The following CAMK1D variants were observed in gnomAD, a reference collection of about 807,000 sequenced individuals.
CAMK1D encodes calcium/calmodulin dependent protein kinase ID.
CAMK1D carries 9 observed loss-of-function variants against 47.7 expected under a neutral mutation model. The observed-to-expected ratio is 0.19, with a 90% CI of 0.11 to 0.33. The LOEUF is 0.33. Among genes scored for constraint, CAMK1D ranks in the 10% least tolerant of loss-of-function variants. CAMK1D has a pLI of 1.00. For synonymous variants in CAMK1D, 184 were observed against 184.9 expected (o/e 0.99, Z 0.04); for missense variants, 291 against 488.7 (o/e 0.60, Z 3.81).
At chr10:12,826,136 C>CAA in intron 10 of CAMK1D, 2 of 142,760 alleles carry the variant, frequency 1.4e-5, no homozygotes, top group Non-Finnish European at 3.0e-5. Flanking sequence ...GACTCCCTCT[C>CAA]AAAAAAAAAA....
chr10:12,408,224 T>C (rs1254831991), intron 1 of CAMK1D, among the ~76,000 whole-genome samples: 1 of 151,018 alleles, frequency 6.6e-6, no homozygotes, highest in African/African-American at 2.4e-5. Flanking sequence ...TGCAGTGGCA[T>C]GATCTCGGCT....
chr10:12,394,472 T>C (rs893092815), intron 1 of CAMK1D, among the ~76,000 whole-genome samples: 1 of 152,146 alleles, frequency 6.6e-6, no homozygotes, highest in African/African-American at 2.4e-5. Context: ...CAGCCCCCCT[T>C]TTCCAAGAGT....
At position 12,689,690 on chromosome 10, in the gene CAMK1D, C is replaced by T. The variant is rs185850867; in HGVS notation, c.299+22880C>T. 6.7e-3 allele frequency among the ~76,000 whole-genome samples: 1,017 copies of T among 151,692 alleles called. 11 individuals are homozygous for T. The highest frequency in any genetic ancestry group is 0.022 in the African/African-American group (930 of 41,338). ...ACTCGGGAGGCTAAGGCAGGAGAAT[C>T]GCTTGAACCCAGGAGGTGGAGGTTG... On this transcript the variant is annotated intron_variant, in intron 3 of 10. Coordinates refer to ENST00000619168, the MANE Select transcript of CAMK1D (RefSeq NM_153498.4).
intron 2 of CAMK1D, among the ~76,000 whole-genome samples, chr10:12,616,138 GT>G (rs1360169777): frequency 6.6e-6 from 1 of 152,022 alleles, no homozygotes; most frequent in Non-Finnish European, 1.5e-5. Context: ...GTAGGTGTGT[GT>G]ATAAATGTAC....
At chr10:12,454,829 G>A (rs934932531) in intron 1 of CAMK1D, among the ~76,000 whole-genome samples, 14 of 152,234 alleles carry the variant, frequency 9.2e-5, no homozygotes, top group Admixed American at 2.0e-4. Context: ...CTGGCTGTCC[G>A]CGCTCAGGTT....
intron 1 of CAMK1D, among the ~76,000 whole-genome samples, chr10:12,355,836 C>T (rs1456597595): frequency 1.3e-5 from 2 of 152,136 alleles, no homozygotes; most frequent in Non-Finnish European, 2.9e-5. Flanking sequence ...TGCCTGCTCT[C>T]CTGGAGCCAC....
chr10:12,745,422 C>G (rs1443848810), intron 3 of CAMK1D, among the ~76,000 whole-genome samples: 1 of 152,096 alleles, frequency 6.6e-6, no homozygotes, highest in African/African-American at 2.4e-5. Context: ...CACACACACA[C>G]ACGCTAGAAT....
chr10:12,718,414 T>G (rs953207703), intron 3 of CAMK1D, among the ~76,000 whole-genome samples: 6 of 152,224 alleles, frequency 3.9e-5, no homozygotes, highest in Non-Finnish European at 4.4e-5. Flanking sequence ...CTCTGGTGTA[T>G]CTTACGCCAT....
In CAMK1D at chr10:12,784,553, GAGTT is replaced by G. The variant is rs888750543; in HGVS notation, c.566-6602_566-6599del. The stretch of plus-strand genomic sequence containing the variant: ...AGTGACAAGCACATTCACACACTGA[GAGTT>G]AGGGTGAATTCTGCCTCTTTTCTCC... On this transcript the variant is annotated intron_variant, in intron 5 of 10. Coordinates refer to ENST00000619168, the MANE Select transcript of CAMK1D (RefSeq NM_153498.4). 1.1e-3 allele frequency among the ~76,000 whole-genome samples: 164 copies of G among 152,298 alleles called. 2 individuals are homozygous for G. The highest frequency in any genetic ancestry group is 3.8e-3 in the African/African-American group (158 of 41,548).
intron 1 of CAMK1D, among the ~76,000 whole-genome samples, chr10:12,442,779 A>G (rs1832819436): frequency 6.6e-6 from 1 of 152,104 alleles, no homozygotes; most frequent in African/African-American, 2.4e-5. Context: ...ACTTGTAACC[A>G]TTGTTGAGCA....
intron 1 of CAMK1D, among the ~76,000 whole-genome samples, chr10:12,510,769 C>T (rs918628015): frequency 2.0e-5 from 3 of 152,286 alleles, no homozygotes; most frequent in South Asian, 2.1e-4. Flanking sequence ...AATGTACAAG[C>T]GTGGCATTTT....
chr10:12,759,229 G>T (rs1178860996), intron 3 of CAMK1D, among the ~76,000 whole-genome samples: 2 of 152,162 alleles, frequency 1.3e-5, no homozygotes, highest in African/African-American at 4.8e-5. Context: ...CGTACCTGTG[G>T]TCCCAGCTAC....
At chr10:12,371,187 CCACT>C (rs370568920) in intron 1 of CAMK1D, among the ~76,000 whole-genome samples, 142 of 151,964 alleles carry the variant, frequency 9.3e-4, no homozygotes, top group Non-Finnish European at 1.4e-3. Flanking sequence ...CATTCACTCA[CCACT>C]CACTCACTCA....
At chr10:12,653,462 A>G (rs1840035639) in intron 2 of CAMK1D, among the ~76,000 whole-genome samples, 1 of 152,238 alleles carries the variant, frequency 6.6e-6, no homozygotes, top group Non-Finnish European at 1.5e-5. Flanking sequence ...CATTCCCAAC[A>G]TATGAGTGCT....
chr10:12,411,700 G>A (rs1839663587), intron 1 of CAMK1D, among the ~76,000 whole-genome samples: 1 of 151,364 alleles, frequency 6.6e-6, no homozygotes, highest in African/African-American at 2.4e-5. Context: ...CTGGGTTCAA[G>A]CGATTCTTCT....
rs1016714084 is a variant in CAMK1D at position 12,742,918 on chromosome 10, A to G, written c.300-18030A>G. Among the ~76,000 whole-genome samples the G allele has an allele frequency of 1.7e-4, 26 of 152,292 alleles. 1 individual carries two copies. Among genetic ancestry groups the G allele is most frequent in the Admixed American group, 1.6e-3 (25 of 15,292 alleles). Reference sequence around the variant, plus strand: ...AGAGACGGGGACTGTTTAAACACATATGGATGTGCGCAAGACAGCAGGTGT... The same window carrying G: ...AGAGACGGGGACTGTTTAAACACATGTGGATGTGCGCAAGACAGCAGGTGT... On this transcript the variant is annotated intron_variant, in intron 3 of 10. Transcript: ENST00000619168.
chr10:12,720,180 C>G (rs1834317244), intron 3 of CAMK1D, among the ~76,000 whole-genome samples: 1 of 152,204 alleles, frequency 6.6e-6, no homozygotes. Flanking sequence ...CACTCAAACG[C>G]TTTTCCATCT....
At chr10:12,640,980 A>G (rs1839649739) in intron 2 of CAMK1D, among the ~76,000 whole-genome samples, 1 of 152,072 alleles carries the variant, frequency 6.6e-6, no homozygotes, top group South Asian at 2.1e-4. Context: ...TTGTTTTGAG[A>G]CAGAATCCCA....
chr10:12,811,160 A>G (rs1326518954), intron 6 of CAMK1D, among the ~76,000 whole-genome samples: 1 of 152,108 alleles, frequency 6.6e-6, no homozygotes, highest in Non-Finnish European at 1.5e-5. Flanking sequence ...AAAATTGGGA[A>G]AGGCATTATT....
Sources: gnomAD v4.1 joint callset for allele counts (sites outside exome capture counted in the v4.1 genomes callset) on GRCh38, gnomAD v4.1.1 for gene constraint, MANE v1.5 for transcripts, NCBI Gene and HGNC (gene_info 2026-07-23, HGNC 2026-07-21) for gene names.